The following GRID2 variants were observed in gnomAD, a reference collection of about 807,000 sequenced individuals.
The protein encoded by GRID2 is glutamate receptor ionotropic, delta-2.
In GRID2, 33 loss-of-function variants were observed where a neutral mutation model predicts 114.8. That is an observed-to-expected ratio of 0.29 (90% CI 0.22 to 0.38). The LOEUF (loss-of-function observed/expected upper bound fraction) is 0.38, where lower values mean the gene tolerates loss of function less well. Ranked by LOEUF, GRID2 falls within the 10% of genes least tolerant of loss-of-function variation. The probability of loss-of-function intolerance (pLI) is 1.00; values close to 1 mark genes in which losing one functional copy is unlikely to be tolerated. For missense variants in GRID2, 1,184 were observed against 1,257.7 expected (o/e 0.94, Z 0.89); for synonymous variants, 505 against 449.9 (o/e 1.12, Z -1.55).
In GRID2 at chr4:92,876,447, G is replaced by A. The variant is rs182606576; in HGVS notation, c.245-208548G>A. Among the ~76,000 whole-genome samples, 840 of 152,074 alleles carry A rather than the reference G, an allele frequency of 5.5e-3. 12 individuals carry two copies. The highest frequency in any genetic ancestry group is 0.019 in the African/African-American group (795 of 41,524). ...AGCCTCCAGAGTAGCTGGGACTACA[G>A]GTGCCTGCCACCACACCTGGCTAAT... On this transcript the variant is annotated intron_variant, in intron 2 of 15. Coordinates refer to ENST00000282020, the MANE Select transcript of GRID2 (RefSeq NM_001510.4).
chr4:93,392,613 G>A (rs1764962258), intron 8 of GRID2, among the ~76,000 whole-genome samples: 1 of 152,064 alleles, frequency 6.6e-6, no homozygotes, highest in Non-Finnish European at 1.5e-5. Flanking sequence ...CAGACTGGGT[G>A]CTGTGGCTTA....
intron 2 of GRID2, among the ~76,000 whole-genome samples, chr4:92,908,840 C>T (rs1282426089): frequency 6.6e-6 from 1 of 152,156 alleles, no homozygotes; most frequent in Non-Finnish European, 1.5e-5. Flanking sequence ...TCACTGGCTA[C>T]CTGCACTTTC....
chr4:92,343,869 C>T lies in GRID2; in HGVS notation c.88+39125C>T, dbSNP rs79222316. Among the ~76,000 whole-genome samples the T allele has an allele frequency of 7.2e-5, 11 of 152,306 alleles. No individual in the cohort carries two copies. In the East Asian group the frequency reaches 2.1e-3, roughly 29 times the overall value. On this transcript the variant is annotated intron_variant, in intron 1 of 15. Coordinates refer to ENST00000282020, the MANE Select transcript of GRID2 (RefSeq NM_001510.4). ...AATTATAGGCGTGAGCCAGTGCTCC[C>T]AGCTATATATGTATTATATACTGTT...
intron 2 of GRID2, among the ~76,000 whole-genome samples, chr4:92,701,024 C>T (rs1734653198): frequency 6.7e-6 from 1 of 148,326 alleles, no homozygotes; most frequent in South Asian, 2.1e-4. Flanking sequence ...ACATACATTA[C>T]AGATAGAAGG....
intron 7 of GRID2, 39 bp downstream of exon 7, chr4:93,224,814 T>C: frequency 7.1e-7 from 1 of 1,411,644 alleles, no homozygotes; most frequent in Non-Finnish European, 9.9e-7. Context: ...ATATGGTAAA[T>C]AATTATTTGA....
At chr4:93,169,648 G>C (rs1469125405) in intron 4 of GRID2, among the ~76,000 whole-genome samples, 1 of 152,162 alleles carries the variant, frequency 6.6e-6, no homozygotes, top group East Asian at 1.9e-4. Flanking sequence ...GTGGTTGAAT[G>C]TACAGAATAA....
At chr4:92,555,186 T>C (rs541488500) in intron 1 of GRID2, among the ~76,000 whole-genome samples, 1 of 152,238 alleles carries the variant, frequency 6.6e-6, no homozygotes, top group Admixed American at 6.6e-5. Flanking sequence ...CTGTAGGGTA[T>C]GGAAGGCAGT....
chr4:93,318,781 CCTT>C (rs1756938430), intron 8 of GRID2: 1 of 152,182 alleles, frequency 6.6e-6, no homozygotes, highest in African/African-American at 2.4e-5. Flanking sequence ...CATATCTCCT[CCTT>C]CTGCTGGTGT....
At chr4:92,775,688 G>A (rs1738760285) in intron 2 of GRID2, among the ~76,000 whole-genome samples, 1 of 152,164 alleles carries the variant, frequency 6.6e-6, no homozygotes, top group Non-Finnish European at 1.5e-5. Flanking sequence ...TACCTGGCAA[G>A]AGTCTAATTT....
At chr4:93,410,895 T>C in intron 9 of GRID2, among the ~76,000 whole-genome samples, 1 of 152,196 alleles carries the variant, frequency 6.6e-6, no homozygotes, top group East Asian at 1.9e-4. Context: ...TCTATTCCTT[T>C]TACCTCCTTC....
chr4:93,140,710 C>G lies in GRID2; in HGVS notation c.735+29757C>G, dbSNP rs181322457. Among the ~76,000 whole-genome samples, 629 of 152,264 alleles carry G rather than the reference C, an allele frequency of 4.1e-3. 8 individuals are homozygous for G. The highest frequency in any genetic ancestry group is 0.015 in the African/African-American group (606 of 41,550). On this transcript the variant is annotated intron_variant, in intron 4 of 15. Coordinates refer to ENST00000282020, the MANE Select transcript of GRID2 (RefSeq NM_001510.4). ...CTTAGTGTTATAAAATATGTCTTCT[C>G]TGATACTAACTTTGTAGCATGTTAA...
intron 13 of GRID2, among the ~76,000 whole-genome samples, chr4:93,527,263 T>C (rs561222666): frequency 6.6e-6 from 1 of 152,342 alleles, no homozygotes; most frequent in South Asian, 2.1e-4. Context: ...AATTCCTCCT[T>C]TCTTGTTAAA....
intron 1 of GRID2, among the ~76,000 whole-genome samples, chr4:92,436,395 A>G (rs1475683302): frequency 6.6e-6 from 1 of 152,160 alleles, no homozygotes; most frequent in Non-Finnish European, 1.5e-5. Flanking sequence ...CCCATTTTCA[A>G]TATTAAATTA....
At chr4:92,779,186 ATGTGTG>A (rs70942930) in intron 2 of GRID2, among the ~76,000 whole-genome samples, 1 of 147,262 alleles carries the variant, frequency 6.8e-6, no homozygotes, top group Admixed American at 6.8e-5. Context: ...TAGTAAGTAA[ATGTGTG>A]TGTGTGTGTG....
chr4:93,069,290 G>GTA (rs939321927), intron 2 of GRID2, among the ~76,000 whole-genome samples: 28 of 151,108 alleles, frequency 1.9e-4, no homozygotes, highest in African/African-American at 4.1e-4. Context: ...GTGCGTGTAT[G>GTA]TATATATATA....
At chr4:93,553,411 C>T (rs1733978479) in intron 13 of GRID2, among the ~76,000 whole-genome samples, 1 of 152,090 alleles carries the variant, frequency 6.6e-6, no homozygotes, top group African/African-American at 2.4e-5. Context: ...GGTTCTAATT[C>T]CTCTTGTATA....
At position 92,693,010 on chromosome 4, in the gene GRID2, G is replaced by A. The variant is rs28415700; in HGVS notation, c.244+102724G>A. ...TGTATTCCAGCCTGGGCGATAGAGC[G>A]AAACTGTCTCAAAAAAAAAAAAAGA... On this transcript the variant is annotated intron_variant, in intron 2 of 15. Transcript: ENST00000282020. 1.7e-3 allele frequency among the ~76,000 whole-genome samples: 232 copies of A among 137,102 alleles called. 1 individual carries two copies. Among genetic ancestry groups the A allele is most frequent in the African/African-American group, 6.1e-3 (211 of 34,494 alleles). 89.9% of individuals were successfully genotyped at this position (137,102 alleles called of 152,430 possible). A position where few individuals can be genotyped will look rare whatever the true frequency, so the allele number is the denominator to read the frequency against.
intron 2 of GRID2, among the ~76,000 whole-genome samples, chr4:93,037,874 T>C: frequency 6.6e-6 from 1 of 152,184 alleles, no homozygotes; most frequent in Admixed American, 6.5e-5. Flanking sequence ...GGTAGCGTGA[T>C]CCCTCCAGCT....
intron 1 of GRID2, among the ~76,000 whole-genome samples, chr4:92,579,963 G>A (rs1254589347): frequency 2.1e-5 from 3 of 144,670 alleles, no homozygotes; most frequent in Admixed American, 7.1e-5. Context: ...TTATATATGT[G>A]TATATATTTT....
Sources: gnomAD v4.1 joint callset for allele counts (sites outside exome capture counted in the v4.1 genomes callset) on GRCh38, gnomAD v4.1.1 for gene constraint, MANE v1.5 for transcripts, NCBI Gene and HGNC (gene_info 2026-07-23, HGNC 2026-07-21) for gene names.